Variants in PRKD3 observed in about 807,000 individuals in gnomAD.
PRKD3 encodes the protein protein kinase D3, also known as serine/threonine-protein kinase D3.
Under a neutral mutation model 99.2 loss-of-function variants are expected in PRKD3, and 47 were observed. That is an observed-to-expected ratio of 0.47 (90% CI 0.38 to 0.60). PRKD3 has a LOEUF of 0.60. PRKD3 is among the 20% of genes least tolerant of loss of function. The probability of loss-of-function intolerance (pLI) is 0.00; values close to 1 mark genes in which losing one functional copy is unlikely to be tolerated. For synonymous variants in PRKD3, 392 were observed against 355.4 expected (o/e 1.10, Z -1.16); for missense variants, 1,019 against 1,088.4 (o/e 0.94, Z 0.90).
chr2:37,274,737 CTTTGTT>C, intron 10 of PRKD3, 40 bp from the exon 11 acceptor site: 6 of 1,554,126 alleles, frequency 3.9e-6, no homozygotes, highest in Non-Finnish European at 5.3e-6. Flanking sequence ...AAGAATAGAT[CTTTGTT>C]TTTATTTTTA....
chr2:37,286,198 G>A lies in PRKD3; in HGVS notation c.889C>T (p.Arg297Cys), dbSNP rs984132505. ...YCKRLLKGLF[R>C]QGMQCKDCKF... is the part of the protein sequence containing the mutation. ...CTACCTTTACACTGCATTCCTTGGC[G>A]AAAGAGGCCTTTCAGTAACCGCTTG... Residue 297 changes from arginine (R) to cysteine (C), a missense_variant, in exon 6 of 19, where the codon CGC (arginine) becomes TGC (cysteine). Transcript: ENST00000234179. 9.9e-6 allele frequency: 16 copies of A among 1,612,554 alleles called. No homozygotes were observed. Among genetic ancestry groups the A allele is most frequent in the South Asian group, 4.4e-5 (4 of 90,896 alleles).
At position 37,260,322 on chromosome 2, in the gene PRKD3, AAAGACTCG is replaced by A; in HGVS notation, c.1939_1946del (p.Arg647CysfsTer18). On this transcript the variant is annotated frameshift_variant, in exon 15 of 19. Coordinates refer to ENST00000234179, the MANE Select transcript of PRKD3 (RefSeq NM_005813.6). LOFTEE classifies it high-confidence loss of function. ...CTCCATGCAGCTTTTCCATTACTACAAAGACTCGTTCTGGGGTTTCAAACATACATTCC... is the reference window on the plus strand; with the variant it reads ...CTCCATGCAGCTTTTCCATTACTACATTCTGGGGTTTCAAACATACATTCC... The A allele has an allele frequency of 6.2e-7, 1 of 1,609,734 alleles. No homozygotes were observed. The highest frequency in any genetic ancestry group is 1.1e-5 in the South Asian group (1 of 90,962).
intron 14 of PRKD3, among the ~76,000 whole-genome samples, chr2:37,262,027 G>A (rs1572619726): frequency 6.6e-6 from 1 of 152,198 alleles, no homozygotes; most frequent in Non-Finnish European, 1.5e-5. Flanking sequence ...TGTGCTTAAG[G>A]TAGGCTACAC....
chr2:37,315,895 T>G (rs554081957), intron 2 of PRKD3, among the ~76,000 whole-genome samples: 7 of 152,192 alleles, frequency 4.6e-5, no homozygotes, highest in Non-Finnish European at 1.0e-4. Flanking sequence ...TGGCTAATTT[T>G]TGTATTTTTA....
chr2:37,304,790 C>T (rs1671085840), intron 2 of PRKD3, among the ~76,000 whole-genome samples: 1 of 151,238 alleles, frequency 6.6e-6, no homozygotes, highest in African/African-American at 2.4e-5. Context: ...ACCAGAGGAG[C>T]TGCTTTATTT....
intron 2 of PRKD3, among the ~76,000 whole-genome samples, chr2:37,314,589 T>C (rs1671577507): frequency 6.6e-6 from 1 of 152,104 alleles, no homozygotes; most frequent in African/African-American, 2.4e-5. Flanking sequence ...CAAAAGAACA[T>C]ACTGTACTTA....
At position 37,293,211 on chromosome 2, in the gene PRKD3, T is replaced by C; in HGVS notation, c.349A>G (p.Asn117Asp). 1.9e-6 allele frequency: 3 copies of C among 1,605,360 alleles called. No individual in the cohort carries two copies. The highest frequency in any genetic ancestry group is 2.6e-6 in the Non-Finnish European group (3 of 1,173,350). ...ATCAGCTGCAAAATGTTTTCTGAGT[T>C]CATGTCATGGCGAAAGAGAAGAATT... ...DKILLFRHDM[N>D]SENILQLITS... The change falls in exon 3 of 19, where the codon AAC becomes GAC. Residue 117 changes from asparagine (N) to aspartate (D), a missense_variant. This residue lies in a region of PRKD3 where 710 missense variants were observed against 692.7 expected (regional missense o/e 1.02). Coordinates refer to ENST00000234179, the MANE Select transcript of PRKD3 (RefSeq NM_005813.6).
chr2:37,308,575 C>T (rs1362205191), intron 2 of PRKD3, among the ~76,000 whole-genome samples: 1 of 149,846 alleles, frequency 6.7e-6, no homozygotes, highest in African/African-American at 2.5e-5. Flanking sequence ...CTGCCTCAGC[C>T]TCCCGAGTAG....
chr2:37,290,825 G>A, intron 4 of PRKD3, 43 bp downstream of exon 4: 1 of 1,523,394 alleles, frequency 6.6e-7, no homozygotes, highest in Non-Finnish European at 8.9e-7. Flanking sequence ...ATGCAAATGT[G>A]GAATCTTATT....
intron 11 of PRKD3, among the ~76,000 whole-genome samples, 187 bp from the exon 12 acceptor site, chr2:37,272,619 C>T (rs1669341110): frequency 6.6e-6 from 1 of 151,998 alleles, no homozygotes; most frequent in South Asian, 2.1e-4. Context: ...TACATCCATA[C>T]AAAAGAATAC....
intron 9 of PRKD3, among the ~76,000 whole-genome samples, chr2:37,276,377 C>A (rs761305070): frequency 1.3e-5 from 2 of 152,104 alleles, no homozygotes; most frequent in Non-Finnish European, 2.9e-5. Context: ...GAAAAATAAA[C>A]ACTGGTATTT....
In PRKD3 at chr2:37,253,170, T is replaced by A. The variant is rs1291653197; in HGVS notation, c.*7A>T. 5 of 1,593,558 alleles carry A rather than the reference T, an allele frequency of 3.1e-6. No homozygotes were observed. Among genetic ancestry groups the A allele is most frequent in the Non-Finnish European group, 4.3e-6 (5 of 1,167,510 alleles). On this transcript the variant is annotated 3_prime_UTR_variant, in exon 19 of 19. Coordinates refer to ENST00000234179, the MANE Select transcript of PRKD3 (RefSeq NM_005813.6). ...GAAATCCTTCCTTATTTAGGTTAGC[T>A]CAGTGATTAAGGATCTTCTTCCATA...
intron 13 of PRKD3, chr2:37,267,966 T>A (rs1011499122): frequency 1.1e-5 from 2 of 189,602 alleles, no homozygotes; most frequent in Non-Finnish European, 2.2e-5. Flanking sequence ...TTCTAGAATC[T>A]AGATATAAAA....
At chr2:37,276,358 T>C (rs1669570849) in intron 9 of PRKD3, among the ~76,000 whole-genome samples, 1 of 152,168 alleles carries the variant, frequency 6.6e-6, no homozygotes, top group African/African-American at 2.4e-5. Flanking sequence ...TTTTGATCTT[T>C]GCTATACTGA....
At chr2:37,274,786 A>T in intron 10 of PRKD3, 89 bp from the exon 11 acceptor site, 1 of 1,243,160 alleles carries the variant, frequency 8.0e-7, no homozygotes, top group Non-Finnish European at 1.1e-6. Context: ...ATGCATTTCA[A>T]TGAATGCCAT....
chr2:37,287,043 C>G (rs1670127894), intron 5 of PRKD3, among the ~76,000 whole-genome samples: 1 of 151,382 alleles, frequency 6.6e-6, no homozygotes, highest in Non-Finnish European at 1.5e-5. Flanking sequence ...CCAGCCTGAC[C>G]AACATGGAGA....
At chr2:37,315,502 A>T (rs944688420) in intron 2 of PRKD3, among the ~76,000 whole-genome samples, 3 of 151,974 alleles carry the variant, frequency 2.0e-5, no homozygotes, top group Non-Finnish European at 4.4e-5. Flanking sequence ...GGAAATGGAT[A>T]AAAAAAAGAG....
chr2:37,288,362 A>T (rs925855727), intron 5 of PRKD3, among the ~76,000 whole-genome samples: 3 of 152,130 alleles, frequency 2.0e-5, no homozygotes, highest in Non-Finnish European at 2.9e-5. Flanking sequence ...AAAATCTCAC[A>T]CTAGGGCTAA....
At chr2:37,321,453 T>TATC (rs1671881212) in intron 1 of PRKD3, among the ~76,000 whole-genome samples, 1 of 152,226 alleles carries the variant, frequency 6.6e-6, no homozygotes, top group South Asian at 2.1e-4. Context: ...ATCACAAGTT[T>TATC]ATCTACTTCC....
Sources: allele counts gnomAD v4.1 joint callset (sites outside exome capture counted in the v4.1 genomes callset), GRCh38; gene constraint gnomAD v4.1.1; regional missense constraint gnomAD v4.1.1; transcripts MANE v1.5; gene names NCBI Gene and HGNC (gene_info 2026-07-23, HGNC 2026-07-21).